Variants in EFNA5 observed in about 807,000 individuals in gnomAD.
The protein encoded by EFNA5 is ephrin A5.
Under a neutral mutation model 22.9 loss-of-function variants are expected in EFNA5, and 5 were observed. That is an observed-to-expected ratio of 0.22 (90% CI 0.11 to 0.46). The LOEUF is 0.46. EFNA5 is among the 20% of genes least tolerant of loss of function. The probability of loss-of-function intolerance (pLI) is 0.99; values close to 1 mark genes in which losing one functional copy is unlikely to be tolerated. For missense variants in EFNA5, 237 were observed against 293.3 expected, an observed-to-expected ratio of 0.81 and a Z score of 1.40; for synonymous variants, 113 against 112.2, an observed-to-expected ratio of 1.01 and a Z score of -0.04.
intron 2 of EFNA5, among the ~76,000 whole-genome samples, chr5:107,396,510 G>C (rs1171401090): frequency 6.6e-6 from 1 of 152,176 alleles, no homozygotes; most frequent in African/African-American, 2.4e-5. Flanking sequence ...CCTAAGCAGG[G>C]GGCACCCAGC....
intron 2 of EFNA5, among the ~76,000 whole-genome samples, chr5:107,392,032 C>A (rs944459041): frequency 6.6e-6 from 1 of 152,168 alleles, no homozygotes; most frequent in South Asian, 2.1e-4. Context: ...TTCAGTGCCC[C>A]CAAATCAGTA....
At chr5:107,464,372 T>C (rs1749917528) in intron 1 of EFNA5, among the ~76,000 whole-genome samples, 1 of 152,102 alleles carries the variant, frequency 6.6e-6, no homozygotes, top group Non-Finnish European at 1.5e-5. Flanking sequence ...AGCCCCAGAA[T>C]AAATGAAAGA....
chr5:107,403,057 A>T (rs972724785), intron 2 of EFNA5, among the ~76,000 whole-genome samples: 2 of 152,330 alleles, frequency 1.3e-5, no homozygotes, highest in South Asian at 2.1e-4. Context: ...CAGGGGGGGA[A>T]GTGCCACAGC....
intron 2 of EFNA5, among the ~76,000 whole-genome samples, chr5:107,421,799 T>TC (rs1459053382): frequency 6.6e-6 from 1 of 151,202 alleles, no homozygotes; most frequent in East Asian, 1.9e-4. Context: ...TTTCTTTCTT[T>TC]TTTTTTTTTT....
At chr5:107,644,682 C>T (rs542681845) in intron 1 of EFNA5, among the ~76,000 whole-genome samples, 21 of 151,676 alleles carry the variant, frequency 1.4e-4, no homozygotes, top group African/African-American at 5.1e-4. Flanking sequence ...TAAGTGACTA[C>T]TGTCTACTTT....
chr5:107,436,053 A>G (rs1749101294), intron 1 of EFNA5, among the ~76,000 whole-genome samples: 1 of 152,248 alleles, frequency 6.6e-6, no homozygotes, highest in African/African-American at 2.4e-5. Context: ...AATACTAATT[A>G]CTCATATCAG....
chr5:107,448,553 G>A (rs990538964), intron 1 of EFNA5, among the ~76,000 whole-genome samples: 2 of 152,070 alleles, frequency 1.3e-5, no homozygotes, highest in Admixed American at 6.6e-5. Flanking sequence ...CCCCAGGGCT[G>A]GGCGCAGTGG....
At chr5:107,491,469 G>A (rs779194584) in intron 1 of EFNA5, among the ~76,000 whole-genome samples, 19 of 152,128 alleles carry the variant, frequency 1.2e-4, no homozygotes, top group Admixed American at 6.5e-5. Context: ...CCACCACCAT[G>A]CCTGGCTACT....
At chr5:107,537,989 T>C (rs1048651266) in intron 1 of EFNA5, among the ~76,000 whole-genome samples, 2 of 151,918 alleles carry the variant, frequency 1.3e-5, no homozygotes, top group African/African-American at 4.8e-5. Flanking sequence ...AGAAAAGGGG[T>C]ATATTGAGAT....
intron 1 of EFNA5, among the ~76,000 whole-genome samples, chr5:107,647,958 C>T (rs1750660160): frequency 6.6e-6 from 1 of 152,114 alleles, no homozygotes. Context: ...GCAAGAAGGG[C>T]ATTAAACAGG....
At chr5:107,564,622 T>C (rs1748623467) in intron 1 of EFNA5, among the ~76,000 whole-genome samples, 1 of 141,020 alleles carries the variant, frequency 7.1e-6, no homozygotes. Context: ...TGTTTTTGTT[T>C]GGGTTTTTGT....
intron 1 of EFNA5, among the ~76,000 whole-genome samples, chr5:107,536,632 A>G (rs926630934): frequency 1.3e-5 from 2 of 152,216 alleles, no homozygotes; most frequent in Non-Finnish European, 2.9e-5. Flanking sequence ...CCAAATTCTT[A>G]AGGCAGAAGG....
At chr5:107,510,838 C>T (rs1365115264) in intron 1 of EFNA5, among the ~76,000 whole-genome samples, 2 of 152,148 alleles carry the variant, frequency 1.3e-5, no homozygotes, top group Non-Finnish European at 2.9e-5. Context: ...TGACAACGAG[C>T]TACCTACTCA....
At chr5:107,583,680 T>A (rs1749116201) in intron 1 of EFNA5, among the ~76,000 whole-genome samples, 2 of 152,182 alleles carry the variant, frequency 1.3e-5, no homozygotes, top group African/African-American at 4.8e-5. Context: ...TAATGGGACG[T>A]CAGCACTGTT....
intron 1 of EFNA5, among the ~76,000 whole-genome samples, chr5:107,602,443 C>T (rs1433578624): frequency 6.6e-6 from 1 of 152,130 alleles, no homozygotes; most frequent in African/African-American, 2.4e-5. Context: ...GCCTATTAAG[C>T]CTGCCATTAG....
intron 1 of EFNA5, among the ~76,000 whole-genome samples, chr5:107,463,569 A>G (rs944749451): frequency 3.0e-4 from 46 of 152,314 alleles, no homozygotes; most frequent in African/African-American, 1.1e-3. Context: ...CGGATTCAGT[A>G]AGAAATTGTG....
intron 1 of EFNA5, among the ~76,000 whole-genome samples, chr5:107,602,546 A>G (rs1438875891): frequency 6.6e-6 from 1 of 152,226 alleles, no homozygotes; most frequent in Admixed American, 6.5e-5. Context: ...AGCTAAATGA[A>G]AACAGCAGTT....
At chr5:107,542,521 C>T (rs761946627) in intron 1 of EFNA5, among the ~76,000 whole-genome samples, 7 of 149,508 alleles carry the variant, frequency 4.7e-5, no homozygotes, top group African/African-American at 7.4e-5. Context: ...AAACTTCCCA[C>T]TTTCCTTTTT....
chr5:107,641,050 A>G (rs1193119929), intron 1 of EFNA5, among the ~76,000 whole-genome samples: 1 of 150,612 alleles, frequency 6.6e-6, no homozygotes, highest in Non-Finnish European at 1.5e-5. Flanking sequence ...ATAGATAGAT[A>G]GAATGTATGG....
Sources: allele counts gnomAD v4.1 joint callset (sites outside exome capture counted in the v4.1 genomes callset), GRCh38; gene constraint gnomAD v4.1.1; transcripts MANE v1.5; gene names NCBI Gene and HGNC (gene_info 2026-07-23, HGNC 2026-07-21).